Variants in ANKRD12 observed in about 807,000 individuals in gnomAD.
ANKRD12 encodes ankyrin repeat domain-containing protein 12.
Under a neutral mutation model 183.4 loss-of-function variants are expected in ANKRD12, and 85 were observed. That is an observed-to-expected ratio of 0.46 (90% CI 0.39 to 0.56). The LOEUF (loss-of-function observed/expected upper bound fraction) is 0.56, where lower values mean the gene tolerates loss of function less well. ANKRD12 is among the 20% of genes least tolerant of loss of function. The pLI is 0.00. For missense variants in ANKRD12, 2,405 were observed against 2,357.1 expected, an observed-to-expected ratio of 1.02 and a Z score of -0.42; for synonymous variants, 914 against 800.2, an observed-to-expected ratio of 1.14 and a Z score of -2.40.
intron 1 of ANKRD12, among the ~76,000 whole-genome samples, chr18:9,143,826 T>C (rs968115760): frequency 3.3e-5 from 5 of 152,164 alleles, no homozygotes; most frequent in African/African-American, 1.2e-4. Flanking sequence ...CTCTTTAGTG[T>C]GTTTCTATTT....
intron 10 of ANKRD12, among the ~76,000 whole-genome samples, chr18:9,271,009 A>G (rs185020788): frequency 5.5e-4 from 84 of 152,296 alleles, no homozygotes; most frequent in Non-Finnish European, 1.0e-4. Flanking sequence ...CAGCTGTGTC[A>G]TAGAAGTATC....
intron 1 of ANKRD12, among the ~76,000 whole-genome samples, chr18:9,170,081 A>G (rs552959106): frequency 1.3e-5 from 2 of 152,346 alleles, no homozygotes; most frequent in Admixed American, 6.5e-5. Flanking sequence ...CCGAGAGATC[A>G]GCTGTTAGTC....
chr18:9,218,588 G>A (rs1168472557), intron 7 of ANKRD12, among the ~76,000 whole-genome samples: 2 of 152,016 alleles, frequency 1.3e-5, no homozygotes, highest in Non-Finnish European at 1.5e-5. Flanking sequence ...TTATAGAGAG[G>A]ATTAACATAG....
intron 2 of ANKRD12, 113 bp downstream of exon 2, chr18:9,182,632 TCCAAA>T: frequency 1.8e-6 from 1 of 567,900 alleles, no homozygotes; most frequent in Non-Finnish European, 2.9e-6. Context: ...GCCAGATAAA[TCCAAA>T]CCATTTATGC....
At chr18:9,265,774 T>C (rs2039252111) in intron 10 of ANKRD12, among the ~76,000 whole-genome samples, 1 of 152,070 alleles carries the variant, frequency 6.6e-6, no homozygotes, top group Admixed American at 6.5e-5. Flanking sequence ...GGACGGATAA[T>C]GACTTTTACG....
intron 8 of ANKRD12, among the ~76,000 whole-genome samples, chr18:9,239,058 G>A (rs951996002): frequency 1.3e-5 from 2 of 152,186 alleles, no homozygotes; most frequent in Admixed American, 6.5e-5. Context: ...CTGGGAGGTC[G>A]AGGCTGCCAT....
At chr18:9,152,343 C>T (rs1313120138) in intron 1 of ANKRD12, among the ~76,000 whole-genome samples, 6 of 152,094 alleles carry the variant, frequency 3.9e-5, no homozygotes, top group African/African-American at 1.4e-4. Context: ...TAGTGGAATC[C>T]ATTGGCCCAG....
Position 9,257,566 on chromosome 18 carries a change from C to G in ANKRD12, c.4299C>G (p.Asp1433Glu), listed in dbSNP as rs2145215493. 2 of 1,614,072 alleles carry G rather than the reference C, an allele frequency of 1.2e-6. No individual in the cohort carries two copies. The highest frequency in any genetic ancestry group is 1.7e-6 in the Non-Finnish European group (2 of 1,179,974). Residue 1433 changes from aspartate to glutamate, a missense_variant, in exon 9 of 13, where the codon GAC (aspartate) becomes GAG (glutamate). Asp to Glu is a conservative substitution (Grantham distance 45, BLOSUM62 2). Around this residue, in one of 7 missense-constraint regions of ANKRD12, gnomAD observed 1,983 missense variants for 1,725.9 expected, o/e 1.15. Transcript: ENST00000262126. ...GACTAGAGACATTAAGCACCAGAGACTTTATCTGCCCAAATTCTAACATAC... is the reference window on the plus strand; with the variant it reads ...GACTAGAGACATTAAGCACCAGAGAGTTTATCTGCCCAAATTCTAACATAC... ...VDRLETLSTR[D>E]FICPNSNIPD...
chr18:9,173,253 A>G (rs991294430), intron 1 of ANKRD12, among the ~76,000 whole-genome samples: 5 of 151,750 alleles, frequency 3.3e-5, no homozygotes, highest in African/African-American at 1.2e-4. Flanking sequence ...TATTTTTAGT[A>G]GAGATGGGGC....
rs2038713928 is a variant in ANKRD12 at position 9,257,594 on chromosome 18, G to A, written c.4327G>A (p.Asp1443Asn). 2 of 1,614,016 alleles carry A rather than the reference G, an allele frequency of 1.2e-6. No homozygotes were observed. The highest frequency in any genetic ancestry group is 1.7e-6 in the Non-Finnish European group (2 of 1,179,944). ...TATCTGCCCAAATTCTAACATACCTGATCAAGAATCCTCTCTTCAGAGTTT... is the reference window on the plus strand; with the variant it reads ...TATCTGCCCAAATTCTAACATACCTAATCAAGAATCCTCTCTTCAGAGTTT... ...DFICPNSNIP[D>N]QESSLQSFCN... The change falls in exon 9 of 13, where the codon GAT (aspartate) becomes AAT (asparagine). Residue 1443 changes from aspartate (D) to asparagine (N), a missense_variant. Asp to Asn is a conservative substitution (Grantham distance 23). Transcript: ENST00000262126.
intron 6 of ANKRD12, among the ~76,000 whole-genome samples, chr18:9,212,502 A>G (rs2035862546): frequency 6.6e-6 from 1 of 151,882 alleles, no homozygotes; most frequent in African/African-American, 2.4e-5. Context: ...ATATATAGGT[A>G]GGCCTACTCC....
chr18:9,256,085 A>G lies in ANKRD12; in HGVS notation c.2818A>G (p.Asn940Asp). The G allele has an allele frequency of 6.4e-7, 1 of 1,565,592 alleles. No homozygotes were observed. The highest frequency in any genetic ancestry group is 1.2e-5 in the South Asian group (1 of 82,128). ...LMEKKNKQSD[N>D]SEYSKSEKGK... is the part of the protein sequence containing the mutation. ...GGAGAAAAAAAATAAACAATCAGAT[A>G]ATAGTGAATACAGTAAATCAGAAAA... The change falls in exon 9 of 13, where the codon AAT (asparagine) becomes GAT (aspartate). Residue 940 changes from asparagine to aspartate, a missense_variant. This residue lies in a region of ANKRD12 where 1,983 missense variants were observed against 1,725.9 expected (regional missense o/e 1.15). Coordinates refer to ENST00000262126, the MANE Select transcript of ANKRD12 (RefSeq NM_015208.5).
At chr18:9,206,008 T>C (rs886521294) in intron 4 of ANKRD12, among the ~76,000 whole-genome samples, 1 of 152,092 alleles carries the variant, frequency 6.6e-6, no homozygotes, top group Non-Finnish European at 1.5e-5. Context: ...TGGCAAGACC[T>C]AAAAAGAAAG....
At chr18:9,242,010 A>G (rs1422971568) in intron 8 of ANKRD12, among the ~76,000 whole-genome samples, 1 of 151,964 alleles carries the variant, frequency 6.6e-6, no homozygotes, top group African/African-American at 2.4e-5. Flanking sequence ...CAGTGTCTAT[A>G]AGTCAAAATA....
In ANKRD12 at chr18:9,255,335, G is replaced by T; in HGVS notation, c.2068G>T (p.Glu690Ter). The change falls in exon 9 of 13, where the codon GAA becomes TAA. Residue 690 changes from glutamate (E) to a stop codon, truncating the protein, a stop_gained. Transcript: ENST00000262126. LOFTEE classifies it high-confidence loss of function. ...DSAKELQRSVEFDREFWKENF... is the reference protein window; with the variant it reads ...DSAKELQRSV ...TGCCAAAGAACTGCAGAGGAGTGTGGAATTTGATAGAGAATTTTGGAAAGA... is the reference window on the plus strand; with the variant it reads ...TGCCAAAGAACTGCAGAGGAGTGTGTAATTTGATAGAGAATTTTGGAAAGA... 6.2e-7 allele frequency: 1 copy of T among 1,606,182 alleles called. No homozygotes were observed. Among genetic ancestry groups the T allele is most frequent in the South Asian group, 1.1e-5 (1 of 88,626 alleles).
At chr18:9,161,490 C>T (rs1334310770) in intron 1 of ANKRD12, among the ~76,000 whole-genome samples, 1 of 151,844 alleles carries the variant, frequency 6.6e-6, no homozygotes, top group Admixed American at 6.6e-5. Context: ...ATTCTCCTGC[C>T]TCAGCCTCCT....
intron 1 of ANKRD12, among the ~76,000 whole-genome samples, chr18:9,145,214 C>T (rs1209904222): frequency 6.6e-6 from 1 of 152,176 alleles, no homozygotes; most frequent in African/African-American, 2.4e-5. Context: ...CCTCAAACTT[C>T]TGGGCTCAAG....
intron 6 of ANKRD12, among the ~76,000 whole-genome samples, chr18:9,214,448 A>G (rs1164005150): frequency 6.6e-6 from 1 of 152,124 alleles, no homozygotes; most frequent in Non-Finnish European, 1.5e-5. Flanking sequence ...TATTGGGACT[A>G]TCTGCTTAAA....
chr18:9,137,965 G>A (rs572062666), intron 1 of ANKRD12: 1 of 152,322 alleles, frequency 6.6e-6, no homozygotes, highest in East Asian at 1.9e-4. Context: ...GAAACCTTAG[G>A]AAACATTTAA....
Sources: gnomAD v4.1 joint callset for allele counts (sites outside exome capture counted in the v4.1 genomes callset) on GRCh38, gnomAD v4.1.1 for gene constraint, gnomAD v4.1.1 regional missense constraint, MANE v1.5 for transcripts, NCBI Gene and HGNC (gene_info 2026-07-23, HGNC 2026-07-21) for gene names.